TXLNB: variants seen among roughly 807,000 people sequenced by gnomAD.
TXLNB encodes beta-taxilin.
TXLNB carries 37 observed loss-of-function variants against 57.4 expected under a neutral mutation model. The observed-to-expected ratio is 0.64, with a 90% CI of 0.50 to 0.85. TXLNB has a LOEUF of 0.85. Ranked by LOEUF, TXLNB falls within the 40% of genes least tolerant of loss-of-function variation. TXLNB has a pLI of 0.00. For synonymous variants in TXLNB, 302 were observed against 309.6 expected (o/e 0.98, Z 0.26); for missense variants, 848 against 825.6 (o/e 1.03, Z -0.33).
At chr6:139,290,424 T>C (rs1777278859) in intron 1 of TXLNB, among the ~76,000 whole-genome samples, 1 of 152,192 alleles carries the variant, frequency 6.6e-6, no homozygotes, top group Non-Finnish European at 1.5e-5. Flanking sequence ...ATAACAACAA[T>C]TCCTTAAATT....
At chr6:139,271,312 C>G (rs1023029554) in intron 3 of TXLNB, 1 of 152,304 alleles carries the variant, frequency 6.6e-6, no homozygotes, top group Non-Finnish European at 1.5e-5. Context: ...CCCGCACCCG[C>G]TCTGTGCTTA....
chr6:139,168,225 G>A, the TXLNB span, among the ~76,000 whole-genome samples: 25 of 152,144 alleles, frequency 1.6e-4, no homozygotes, highest in Admixed American at 4.6e-4. Context: ...TTTGAAGGTG[G>A]ATGACTGTGC....
the TXLNB span, among the ~76,000 whole-genome samples, chr6:139,318,397 G>A: frequency 2.6e-5 from 4 of 151,950 alleles, no homozygotes; most frequent in African/African-American, 4.8e-5. Flanking sequence ...TTACGTATGT[G>A]TAATTAGATC....
the TXLNB span, among the ~76,000 whole-genome samples, chr6:139,322,566 T>C: frequency 3.9e-5 from 6 of 152,338 alleles, no homozygotes; most frequent in Admixed American, 2.6e-4. Context: ...CTTTAGTTAC[T>C]CAGATCAAAA....
At position 139,242,483 on chromosome 6, in the gene TXLNB, T is replaced by C. The variant is rs941871759; in HGVS notation, c.*43A>G. The stretch of plus-strand genomic sequence containing the variant: ...TCGGAAGACAAGCTGTTATGCTGAA[T>C]ATGCAAAGAGGCAGGAAGAAGCCTC... On this transcript the variant is annotated 3_prime_UTR_variant, in exon 10 of 10. Transcript: ENST00000358430. 1.4e-6 allele frequency: 2 copies of C among 1,443,680 alleles called. No homozygotes were observed. Among genetic ancestry groups the C allele is most frequent in the Non-Finnish European group, 1.8e-6 (2 of 1,095,300 alleles). 89.4% of individuals were successfully genotyped at this position (1,443,680 alleles called of 1,614,324 possible).
At chr6:139,185,609 G>T in the TXLNB span, among the ~76,000 whole-genome samples, 1 of 152,168 alleles carries the variant, frequency 6.6e-6, no homozygotes, top group Admixed American at 6.5e-5. Context: ...GCTGAGGCAG[G>T]AGAATGGCGT....
At chr6:139,278,599 G>A (rs1291403033) in intron 2 of TXLNB, among the ~76,000 whole-genome samples, 2 of 150,712 alleles carry the variant, frequency 1.3e-5, no homozygotes, top group Non-Finnish European at 2.9e-5. Flanking sequence ...ACAATCTCAA[G>A]TTAGAGTGTC....
At chr6:139,192,541 G>T in the TXLNB span, among the ~76,000 whole-genome samples, 1 of 152,252 alleles carries the variant, frequency 6.6e-6, no homozygotes, top group African/African-American at 2.4e-5. Flanking sequence ...CAAGTGTCTA[G>T]AACAGTGCTT....
the TXLNB span, chr6:139,179,998 T>G: frequency 6.6e-6 from 1 of 152,338 alleles, no homozygotes; most frequent in South Asian, 2.1e-4. Flanking sequence ...TCTGATTGAT[T>G]GTTTTCTCTT....
intron 2 of TXLNB, 28 bp from the exon 3 acceptor site, chr6:139,276,949 A>G (rs141933095): frequency 6.4e-7 from 1 of 1,551,258 alleles, no homozygotes; most frequent in Admixed American, 2.0e-5. Flanking sequence ...TGAAAAAAAT[A>G]AGTGTTGAAT....
intron 4 of TXLNB, among the ~76,000 whole-genome samples, 182 bp from the exon 5 acceptor site, chr6:139,262,955 A>G (rs1370626367): frequency 6.6e-6 from 1 of 152,228 alleles, no homozygotes; most frequent in Non-Finnish European, 1.5e-5. Flanking sequence ...GTGAGTACAT[A>G]GTTACTCAGA....
the TXLNB span, chr6:139,166,783 C>T: frequency 2.4e-5 from 39 of 1,613,684 alleles, no homozygotes; most frequent in South Asian, 3.3e-5. Flanking sequence ...CAGTGGGTGC[C>T]GCAGCCTACG....
chr6:139,295,033 T>C (rs1312393742), upstream of TXLNB, among the ~76,000 whole-genome samples: 1 of 152,168 alleles, frequency 6.6e-6, no homozygotes, highest in Non-Finnish European at 1.5e-5. Flanking sequence ...CAGTTTATGT[T>C]ATTTTGTTAT....
chr6:139,164,784 T>TC, the TXLNB span, among the ~76,000 whole-genome samples: 11 of 148,574 alleles, frequency 7.4e-5, no homozygotes, highest in South Asian at 2.2e-4. Flanking sequence ...CACACTAACC[T>TC]CCCCCCCACC....
chr6:139,163,144 T>C, the TXLNB span, among the ~76,000 whole-genome samples: 1 of 152,054 alleles, frequency 6.6e-6, no homozygotes, highest in Non-Finnish European at 1.5e-5. Flanking sequence ...TAACTCGGGG[T>C]GATTTTACCC....
At chr6:139,172,235 A>T in the TXLNB span, among the ~76,000 whole-genome samples, 1 of 152,190 alleles carries the variant, frequency 6.6e-6, no homozygotes, top group African/African-American at 2.4e-5. Flanking sequence ...AAATGCTGAG[A>T]CTACAGGCAT....
the TXLNB span, among the ~76,000 whole-genome samples, chr6:139,186,010 C>T: frequency 6.6e-6 from 1 of 152,138 alleles, no homozygotes; most frequent in Non-Finnish European, 1.5e-5. Context: ...AAAATAATTA[C>T]CTACAATCAG....
chr6:139,172,564 A>G, the TXLNB span, among the ~76,000 whole-genome samples: 1 of 152,178 alleles, frequency 6.6e-6, no homozygotes, highest in Non-Finnish European at 1.5e-5. Context: ...ACCACATGTG[A>G]TTGTTCTCTG....
the TXLNB span, among the ~76,000 whole-genome samples, chr6:139,310,260 G>T: frequency 6.6e-6 from 1 of 152,170 alleles, no homozygotes; most frequent in African/African-American, 2.4e-5. Flanking sequence ...AATTTGTAAA[G>T]AATTCTTACA....
Sources: allele counts gnomAD v4.1 joint callset (sites outside exome capture counted in the v4.1 genomes callset), GRCh38; gene constraint gnomAD v4.1.1; transcripts MANE v1.5; gene names NCBI Gene and HGNC (gene_info 2026-07-23, HGNC 2026-07-21).